Variants in DPYSL2 observed in about 807,000 individuals in gnomAD.
The protein encoded by DPYSL2 is dihydropyrimidinase like 2, also known as dihydropyrimidinase-related protein 2.
A neutral mutation model predicts 69.9 loss-of-function variants in DPYSL2; 13 were observed. That is an observed-to-expected ratio of 0.19 (90% CI 0.12 to 0.30). The LOEUF is 0.30. Among genes scored for constraint, DPYSL2 ranks in the 10% least tolerant of loss-of-function variants. The pLI, the probability that DPYSL2 is intolerant of heterozygous loss-of-function variation, is 1.00. For missense variants in DPYSL2, 587 were observed against 918.9 expected (o/e 0.64, Z 4.67); for synonymous variants, 326 against 359.1 (o/e 0.91, Z 1.04).
chr8:26,646,591 T>G (rs1455692563), intron 10 of DPYSL2, among the ~76,000 whole-genome samples: 2 of 152,168 alleles, frequency 1.3e-5, no homozygotes, highest in African/African-American at 4.8e-5. Flanking sequence ...CTTTGACCAG[T>G]TTTTTACTGG....
chr8:26,647,677 C>G lies in DPYSL2; in HGVS notation c.1473C>G (p.Thr491=). 1 of 1,614,092 alleles carries G rather than the reference C, an allele frequency of 6.2e-7. No homozygotes were observed. The highest frequency in any genetic ancestry group is 8.5e-7 in the Non-Finnish European group (1 of 1,179,966). Residue 491 remains threonine (T), a synonymous_variant, in exon 11 of 14, where the codon ACC becomes ACG. Coordinates refer to ENST00000521913, the MANE Select transcript of DPYSL2 (RefSeq NM_001197293.3). This position sits in a 1 kb window ranked among gnomAD's most constrained non-coding sequence, Gnocchi z 5.1. ...ACCAGTTTGTGGCTGTGACCAGCAC[C>G]AATGCAGCCAAAGTCTTCAACCTTT... ...DENQFVAVTS[T]NAAKVFNLYP... is the part of the protein sequence containing the mutation.
At chr8:26,618,462 A>G (rs1175115354) in intron 3 of DPYSL2, among the ~76,000 whole-genome samples, 2 of 149,890 alleles carry the variant, frequency 1.3e-5, no homozygotes, top group Admixed American at 1.3e-4. Context: ...ACAGGCACAT[A>G]ACACCATGCC....
chr8:26,639,729 A>G lies in DPYSL2; in HGVS notation c.1127-3710A>G, dbSNP rs537554661. Among the ~76,000 whole-genome samples, 5 of 152,184 alleles carry G rather than the reference A, an allele frequency of 3.3e-5. No homozygotes were observed. In the East Asian group the frequency reaches 9.7e-4, roughly 29 times the overall value. On this transcript the variant is annotated intron_variant, in intron 8 of 13. Coordinates refer to ENST00000521913, the MANE Select transcript of DPYSL2 (RefSeq NM_001197293.3). ...GGTATCTGCTACACACCCACCTAGAACCTTGCCTCTTAGAAGCCTTTGGGA... is the reference window on the plus strand; with the variant it reads ...GGTATCTGCTACACACCCACCTAGAGCCTTGCCTCTTAGAAGCCTTTGGGA...
chr8:26,529,167 C>T (rs1800447453), intron 1 of DPYSL2, among the ~76,000 whole-genome samples: 1 of 152,132 alleles, frequency 6.6e-6, no homozygotes, highest in Admixed American at 6.5e-5. Context: ...TCATATGGCA[C>T]TACTAGCTGG....
intron 2 of DPYSL2, among the ~76,000 whole-genome samples, chr8:26,583,091 T>A (rs1191178482): frequency 6.6e-6 from 1 of 152,208 alleles, no homozygotes; most frequent in East Asian, 1.9e-4. Context: ...CTGTTTTTAC[T>A]CATCACTGAT....
rs1800544071 is a variant in DPYSL2, at chr8:26,533,515, T to G, written c.354+18836T>G. ...AGTTTTTGCTTTTACCTGTAGATTT[T>G]GGATCCATTTTGAGTTAATTTTTCT... On this transcript the variant is annotated intron_variant, in intron 1 of 13. Coordinates refer to ENST00000521913, the MANE Select transcript of DPYSL2 (RefSeq NM_001197293.3). The surrounding 1 kb of genome is among the most constrained non-coding windows in gnomAD (Gnocchi z 4.8). Among the ~76,000 whole-genome samples the G allele has an allele frequency of 6.6e-6, 1 of 152,242 alleles. No homozygotes were observed. Among genetic ancestry groups the G allele is most frequent in the African/African-American group, 2.4e-5 (1 of 41,462 alleles).
chr8:26,624,444 G>A lies in DPYSL2; in HGVS notation c.793+137G>A. Reference sequence around the variant, plus strand: ...CCCATGCCTGCCCCTGGGAAGGAGAGAGGGCTTTGGGCCGCAGCTTATGCT... The same window carrying A: ...CCCATGCCTGCCCCTGGGAAGGAGAAAGGGCTTTGGGCCGCAGCTTATGCT... On this transcript the variant is annotated intron_variant, in intron 4 of 13. Transcript: ENST00000521913. The surrounding 1 kb of genome is among the most constrained non-coding windows in gnomAD (Gnocchi z 4.7). The A allele has an allele frequency of 8.7e-7, 1 of 1,148,946 alleles. No homozygotes were observed. The highest frequency in any genetic ancestry group is 2.4e-5 in the East Asian group (1 of 41,870). The allele number at this position is 1,148,946 out of a possible 1,614,324, so 71.2% of individuals were successfully genotyped here. A position where few individuals can be genotyped will look rare whatever the true frequency, so the allele number is the denominator to read the frequency against.
intron 1 of DPYSL2, among the ~76,000 whole-genome samples, chr8:26,568,854 T>C (rs1350527308): frequency 6.6e-6 from 1 of 152,126 alleles, no homozygotes; most frequent in Non-Finnish European, 1.5e-5. Flanking sequence ...AGTACAAGCC[T>C]GAAGTGCGGG....
intron 11 of DPYSL2, among the ~76,000 whole-genome samples, chr8:26,649,786 A>C (rs980598927): frequency 1.3e-5 from 2 of 152,134 alleles, no homozygotes; most frequent in Admixed American, 6.6e-5. Flanking sequence ...GCCTGTGTGG[A>C]TGTAGGTTAA....
In DPYSL2 at chr8:26,644,185, A is replaced by C; in HGVS notation, c.1425+94A>C. The C allele has an allele frequency of 6.8e-7, 1 of 1,465,486 alleles. No homozygotes were observed. The highest frequency in any genetic ancestry group is 9.2e-7 in the Non-Finnish European group (1 of 1,089,788). 90.8% of individuals were successfully genotyped at this position (1,465,486 alleles called of 1,614,324 possible). ...GGGCTCATGGAGGCCTTGAAATGAC[A>C]GACAGTGGAGGACATCCTAGAAGCC... On this transcript the variant is annotated intron_variant, in intron 10 of 13. Coordinates refer to ENST00000521913, the MANE Select transcript of DPYSL2 (RefSeq NM_001197293.3). The surrounding 1 kb of genome is among the most constrained non-coding windows in gnomAD (Gnocchi z 4.5).
chr8:26,534,495 T>C (rs2117615351), intron 1 of DPYSL2, among the ~76,000 whole-genome samples: 1 of 152,236 alleles, frequency 6.6e-6, no homozygotes, highest in East Asian at 1.9e-4. Flanking sequence ...AAGATAAAAT[T>C]GTGAGCTCTG....
At chr8:26,607,960 C>G (rs768574441) in intron 3 of DPYSL2, among the ~76,000 whole-genome samples, 3 of 151,644 alleles carry the variant, frequency 2.0e-5, no homozygotes, top group Admixed American at 6.6e-5. Flanking sequence ...ACCTGTAGTC[C>G]TAGCTACTCA....
At chr8:26,529,812 G>C (rs551313187) in intron 1 of DPYSL2, among the ~76,000 whole-genome samples, 4 of 150,012 alleles carry the variant, frequency 2.7e-5, no homozygotes, top group Non-Finnish European at 5.9e-5. Context: ...GAAGATGGCT[G>C]GAAAAGAATT....
rs1453555264 is a variant in DPYSL2 at position 26,605,441 on chromosome 8, C to G, written c.629-18702C>G. Reference sequence around the variant, plus strand: ...GAGTAGCCAGGATTACATGCACCCACTACCACACCCAGCTAATTTTTATAT... The same window carrying G: ...GAGTAGCCAGGATTACATGCACCCAGTACCACACCCAGCTAATTTTTATAT... On this transcript the variant is annotated intron_variant, in intron 3 of 13. Transcript: ENST00000521913. The surrounding 1 kb of genome is among the most constrained non-coding windows in gnomAD (Gnocchi z 4.1). Among the ~76,000 whole-genome samples, 2 of 152,048 alleles carry G rather than the reference C, an allele frequency of 1.3e-5. No homozygotes were observed. The highest frequency in any genetic ancestry group is 2.9e-5 in the Non-Finnish European group (2 of 68,022).
intron 7 of DPYSL2, among the ~76,000 whole-genome samples, chr8:26,633,634 AT>A (rs1318270427): frequency 3.0e-3 from 432 of 145,374 alleles, no homozygotes; most frequent in Middle Eastern, 7.1e-3. Context: ...TGCCTGGCTA[AT>A]TTTTTTTTTT....
At chr8:26,543,468 G>A (rs147650490) in intron 1 of DPYSL2, among the ~76,000 whole-genome samples, 121 of 151,296 alleles carry the variant, frequency 8.0e-4, no homozygotes, top group African/African-American at 2.7e-3. Flanking sequence ...TTATGAATTG[G>A]CTAATTCACT....
At chr8:26,632,787 G>A (rs1010931464) in intron 7 of DPYSL2, among the ~76,000 whole-genome samples, 7 of 152,164 alleles carry the variant, frequency 4.6e-5, no homozygotes, top group African/African-American at 1.7e-4. Context: ...TGGTGCTGCC[G>A]GGCCACAGGC....
Position 26,624,457 on chromosome 8 carries a change from C to A in DPYSL2, c.793+150C>A. On this transcript the variant is annotated intron_variant, in intron 4 of 13. Transcript: ENST00000521913. The surrounding 1 kb of genome is among the most constrained non-coding windows in gnomAD (Gnocchi z 4.7). ...CTGGGAAGGAGAGAGGGCTTTGGGC[C>A]GCAGCTTATGCTGTTTGGAGGTGGC... 2.0e-6 allele frequency: 2 copies of A among 992,204 alleles called. No individual in the cohort carries two copies. Among genetic ancestry groups the A allele is most frequent in the Non-Finnish European group, 3.0e-6 (2 of 677,182 alleles). The allele number at this position is 992,204 out of a possible 1,614,324, so 61.5% of individuals were successfully genotyped here. A position where few individuals can be genotyped will look rare whatever the true frequency, so the allele number is the denominator to read the frequency against.
intron 1 of DPYSL2, among the ~76,000 whole-genome samples, chr8:26,539,413 T>G (rs1220934121): frequency 9.8e-5 from 15 of 152,370 alleles, no homozygotes; most frequent in African/African-American, 3.4e-4. Flanking sequence ...CCTCTACTTT[T>G]AGCATACGTT....
Sources: gnomAD v4.1 joint callset for allele counts (sites outside exome capture counted in the v4.1 genomes callset) on GRCh38, gnomAD v4.1.1 for gene constraint, Gnocchi (gnomAD v3.1) non-coding constraint, MANE v1.5 for transcripts, NCBI Gene and HGNC (gene_info 2026-07-23, HGNC 2026-07-21) for gene names.